The following LINGO2 variants were observed in gnomAD, a reference collection of about 807,000 sequenced individuals.
The protein encoded by LINGO2 is leucine-rich repeat and immunoglobulin-like domain-containing nogo receptor-interacting protein 2.
Under a neutral mutation model 30.6 loss-of-function variants are expected in LINGO2, and 14 were observed. That is an observed-to-expected ratio of 0.46 (90% confidence interval 0.30 to 0.72). LINGO2 has a LOEUF of 0.72. Among genes scored for constraint, LINGO2 ranks in the 30% least tolerant of loss-of-function variants. The probability of loss-of-function intolerance (pLI) is 0.07; values close to 1 mark genes in which losing one functional copy is unlikely to be tolerated. For missense variants in LINGO2, 729 were observed against 751.7 expected, an observed-to-expected ratio of 0.97 and a Z score of 0.35; for synonymous variants, 317 against 288.5, an observed-to-expected ratio of 1.10 and a Z score of -1.00.
chr9:28,170,119 G>C (rs1828540474), intron 4 of LINGO2, among the ~76,000 whole-genome samples: 1 of 152,174 alleles, frequency 6.6e-6, no homozygotes, highest in African/African-American at 2.4e-5. Flanking sequence ...ACAGTGCCAG[G>C]ACCATACCTG....
the LINGO2 span, among the ~76,000 whole-genome samples, chr9:29,188,106 G>A: frequency 2.7e-5 from 4 of 148,430 alleles, no homozygotes; most frequent in African/African-American, 1.0e-4. Flanking sequence ...GTGGAGGGAA[G>A]GTCAGCAGAT....
rs36216761 is a variant in LINGO2, at chr9:27,999,436, C to CAGAGAGAGAG, written c.-36+12909_-36+12918dup. ...CGACTTAATCACAGTGCCTAATCTTCAGAGAGAGAGAGAGAGAGAGAGAGA... is the reference window on the plus strand; with the variant it reads ...CGACTTAATCACAGTGCCTAATCTTCAGAGAGAGAGAGAGAGAGAGAGAGAGAGAGAGAGA... On this transcript the variant is annotated intron_variant, in intron 5 of 5. Transcript: ENST00000379992. 8.5e-3 allele frequency among the ~76,000 whole-genome samples: 1,221 copies of CAGAGAGAGAG among 143,712 alleles called. 12 individuals carry two copies. Among genetic ancestry groups the CAGAGAGAGAG allele is most frequent in the South Asian group, 0.024 (101 of 4,144 alleles). The allele number at this position is 143,712 out of a possible 152,430, so 94.3% of individuals were successfully genotyped here.
chr9:28,592,931 T>C (rs1037146607), intron 1 of LINGO2, among the ~76,000 whole-genome samples: 10 of 152,074 alleles, frequency 6.6e-5, no homozygotes, highest in Non-Finnish European at 1.0e-4. Flanking sequence ...TAACATGCCA[T>C]TTGAGCCAAT....
the LINGO2 span, among the ~76,000 whole-genome samples, chr9:28,855,858 T>G: frequency 6.6e-6 from 1 of 152,090 alleles, no homozygotes; most frequent in African/African-American, 2.4e-5. Flanking sequence ...ACAAATCTGT[T>G]TAGTTCCTCC....
chr9:29,202,512 A>G, the LINGO2 span, among the ~76,000 whole-genome samples: 1 of 152,050 alleles, frequency 6.6e-6, no homozygotes, highest in Non-Finnish European at 1.5e-5. Flanking sequence ...CTTATACTTG[A>G]TGTATCTATA....
chr9:28,536,203 G>A lies in LINGO2; in HGVS notation c.-364-60178C>T, dbSNP rs936720897. Among the ~76,000 whole-genome samples, 4 of 152,080 alleles carry A rather than the reference G, an allele frequency of 2.6e-5. No homozygotes were observed. In the East Asian group the frequency reaches 7.8e-4, roughly 30 times the overall value. The stretch of plus-strand genomic sequence containing the variant: ...TTTTAACTCTGTGCTTAAGTGTGGT[G>A]GGAAAGTTTTAGAGATAAGATATCA... On this transcript the variant is annotated intron_variant, in intron 1 of 5. Transcript: ENST00000379992.
chr9:28,164,730 T>C (rs1479719395), intron 4 of LINGO2, among the ~76,000 whole-genome samples: 1 of 152,184 alleles, frequency 6.6e-6, no homozygotes, highest in African/African-American at 2.4e-5. Flanking sequence ...CACCCCTATA[T>C]ATGTGGCTAG....
intron 4 of LINGO2, among the ~76,000 whole-genome samples, chr9:28,199,419 A>G (rs1820144403): frequency 6.6e-6 from 1 of 150,534 alleles, no homozygotes; most frequent in Non-Finnish European, 1.5e-5. Context: ...GCTCACTGCA[A>G]GCTCCGCCTC....
chr9:28,176,254 T>C (rs1828747014), intron 4 of LINGO2, among the ~76,000 whole-genome samples: 1 of 152,182 alleles, frequency 6.6e-6, no homozygotes, highest in Admixed American at 6.5e-5. Context: ...GTTTCTTACG[T>C]AGAATCTTTT....
At chr9:28,712,941 C>T in the LINGO2 span, among the ~76,000 whole-genome samples, 1 of 152,078 alleles carries the variant, frequency 6.6e-6, no homozygotes, top group Non-Finnish European at 1.5e-5. Flanking sequence ...TCTCCGCTCA[C>T]TGCAAACTCC....
At chr9:28,948,465 C>T in the LINGO2 span, among the ~76,000 whole-genome samples, 2 of 151,886 alleles carry the variant, frequency 1.3e-5, no homozygotes, top group African/African-American at 4.8e-5. Flanking sequence ...TATAAATTTG[C>T]CAGGTATTTA....
chr9:28,223,588 T>C (rs1821042854), intron 4 of LINGO2, among the ~76,000 whole-genome samples: 1 of 152,160 alleles, frequency 6.6e-6, no homozygotes. Context: ...TCAGGCTGAT[T>C]GGGATGGAAG....
chr9:28,846,328 C>T, the LINGO2 span, among the ~76,000 whole-genome samples: 1 of 151,602 alleles, frequency 6.6e-6, no homozygotes, highest in East Asian at 1.9e-4. Context: ...GCCCATCATA[C>T]CCAAAATGGG....
the LINGO2 span, among the ~76,000 whole-genome samples, chr9:28,910,038 A>T: frequency 6.6e-6 from 1 of 152,056 alleles, no homozygotes; most frequent in East Asian, 1.9e-4. Flanking sequence ...AACTTTAACA[A>T]GGCCATGACA....
chr9:28,633,892 C>T (rs755136300), intron 1 of LINGO2, among the ~76,000 whole-genome samples: 14 of 152,106 alleles, frequency 9.2e-5, no homozygotes, highest in African/African-American at 1.7e-4. Flanking sequence ...CTCAAAATTT[C>T]GATTTTGTTT....
At chr9:28,226,671 GAAAGAAAGAAAGAAAGAAAGAAAGAA>G (rs1165141283) in intron 4 of LINGO2, among the ~76,000 whole-genome samples, 24 of 94,474 alleles carry the variant, frequency 2.5e-4, no homozygotes, top group African/African-American at 1.2e-3. Flanking sequence ...AAGAAAGAAA[GAAAGAAAGAAAGAAAGAAAGAAAGAA>G]AGAAAGAGAA....
chr9:28,746,230 G>A, the LINGO2 span, among the ~76,000 whole-genome samples: 4 of 151,854 alleles, frequency 2.6e-5, no homozygotes, highest in African/African-American at 4.8e-5. Context: ...GATATTTTAT[G>A]AATCTTCTTT....
At chr9:28,193,700 C>T (rs866690895) in intron 4 of LINGO2, among the ~76,000 whole-genome samples, 1 of 152,186 alleles carries the variant, frequency 6.6e-6, no homozygotes, top group Non-Finnish European at 1.5e-5. Flanking sequence ...GCAACAGTGG[C>T]GTTAGTATCT....
At chr9:28,598,418 C>CAAA (rs766825127) in intron 1 of LINGO2, among the ~76,000 whole-genome samples, 8,511 of 108,538 alleles carry the variant, frequency 0.078, 351 homozygotes, top group East Asian at 0.19. Flanking sequence ...TTCTCCATAT[C>CAAA]AAAAAAAAAA....
Sources: gnomAD v4.1 joint callset for allele counts (sites outside exome capture counted in the v4.1 genomes callset) on GRCh38, gnomAD v4.1.1 for gene constraint, MANE v1.5 for transcripts, NCBI Gene and HGNC (gene_info 2026-07-23, HGNC 2026-07-21) for gene names.